ATAD2: variants seen among roughly 807,000 people sequenced by gnomAD.
ATAD2 encodes the protein ATPase family AAA domain containing 2.
In ATAD2, 62 loss-of-function variants were observed where a neutral mutation model predicts 168.9. The observed-to-expected ratio is 0.37, with a 90% CI of 0.30 to 0.45. ATAD2 has a LOEUF of 0.45. Ranked by LOEUF, ATAD2 falls within the 20% of genes least tolerant of loss-of-function variation. The probability of loss-of-function intolerance (pLI) is 1.00; values close to 1 mark genes in which losing one functional copy is unlikely to be tolerated. For synonymous variants in ATAD2, 613 were observed against 571.6 expected, an observed-to-expected ratio of 1.07 and a Z score of -1.03; for missense variants, 1,419 against 1,667.8, an observed-to-expected ratio of 0.85 and a Z score of 2.60.
chr8:123,336,947 G>C (rs764927471), intron 21 of ATAD2, among the ~76,000 whole-genome samples: 8 of 151,514 alleles, frequency 5.3e-5, no homozygotes, highest in Non-Finnish European at 1.2e-4. Flanking sequence ...TTTGAGACTA[G>C]GCTGGGCAAC....
chr8:123,323,251 G>C (rs1827523531), intron 26 of ATAD2, among the ~76,000 whole-genome samples, 185 bp from the exon 27 acceptor site: 1 of 152,104 alleles, frequency 6.6e-6, no homozygotes, highest in Admixed American at 6.6e-5. Flanking sequence ...CTATAATCCT[G>C]GCCTTGACCT....
chr8:123,338,359 A>G (rs1178188565), intron 20 of ATAD2, among the ~76,000 whole-genome samples: 1 of 143,304 alleles, frequency 7.0e-6, no homozygotes, highest in Non-Finnish European at 1.5e-5. Flanking sequence ...CGTCTCAAGG[A>G]AAAAAAAAAA....
At chr8:123,387,486 C>G (rs1829677285) in intron 1 of ATAD2, among the ~76,000 whole-genome samples, 1 of 152,190 alleles carries the variant, frequency 6.6e-6, no homozygotes, top group South Asian at 2.1e-4. Flanking sequence ...CTTTCACTTT[C>G]TATTTTTCAC....
upstream of ATAD2, among the ~76,000 whole-genome samples, chr8:123,398,412 G>C (rs1278450696): frequency 6.6e-6 from 1 of 151,498 alleles, no homozygotes. Context: ...TGTATTTTTA[G>C]TAGAGATGGG....
chr8:123,359,855 T>G (rs192389809), intron 9 of ATAD2, among the ~76,000 whole-genome samples, 170 bp from the exon 10 acceptor site: 1 of 152,302 alleles, frequency 6.6e-6, no homozygotes, highest in East Asian at 1.9e-4. Flanking sequence ...GTCCAGAACT[T>G]AAGTGTTAGA....
intron 2 of ATAD2, among the ~76,000 whole-genome samples, chr8:123,374,355 A>AAAACAAAC (rs151095665): frequency 6.6e-6 from 1 of 152,174 alleles, no homozygotes; most frequent in Non-Finnish European, 1.5e-5. Flanking sequence ...GTCCATCTCA[A>AAAACAAAC]AAACAAACAA....
chr8:123,398,145 A>G (rs1812938458), upstream of ATAD2, among the ~76,000 whole-genome samples: 1 of 151,948 alleles, frequency 6.6e-6, no homozygotes, highest in Admixed American at 6.6e-5. Flanking sequence ...ATGTCTGGGG[A>G]CATATAAAAA....
intron 18 of ATAD2, among the ~76,000 whole-genome samples, chr8:123,345,377 T>C (rs1348163170): frequency 2.0e-5 from 3 of 152,092 alleles, no homozygotes; most frequent in Admixed American, 6.5e-5. Context: ...AAAATGTTAA[T>C]ATAGCCAGGC....
At chr8:123,351,031 C>A (rs1340157147) in intron 13 of ATAD2, among the ~76,000 whole-genome samples, 1 of 151,944 alleles carries the variant, frequency 6.6e-6, no homozygotes, top group African/African-American at 2.4e-5. Flanking sequence ...CCACTGCACC[C>A]GGCCTAGATC....
chr8:123,361,780 T>A (rs1413458543), intron 8 of ATAD2, 134 bp from the exon 9 acceptor site: 3 of 599,480 alleles, frequency 5.0e-6, no homozygotes, highest in Non-Finnish European at 8.5e-6. Context: ...CCCACTGACA[T>A]AAACTTTGTT....
rs200756741 is a variant in ATAD2 at position 123,356,362 on chromosome 8, G to A, written c.1646+27C>T. 2.0e-3 allele frequency: 3,154 copies of A among 1,560,812 alleles called. 6 individuals carry two copies. Among genetic ancestry groups the A allele is most frequent in the Middle Eastern group, 3.5e-3 (21 of 5,922 alleles). On this transcript the variant is annotated intron_variant, in intron 13 of 27. Coordinates refer to ENST00000287394, the MANE Select transcript of ATAD2 (RefSeq NM_014109.4). ...TACCACTCAGGAAATAGGAAGAAAC[G>A]TTGAAGTGCCATCAAGCAAGTTTTA...
At chr8:123,384,905 T>C (rs1404725627) in intron 1 of ATAD2, among the ~76,000 whole-genome samples, 19 of 152,246 alleles carry the variant, frequency 1.2e-4, no homozygotes. Flanking sequence ...ACATTTTATT[T>C]CTTGGCGCTC....
chr8:123,400,647 C>T (rs1273591144), upstream of ATAD2: 13 of 683,792 alleles, frequency 1.9e-5, no homozygotes, highest in South Asian at 1.1e-4. This position sits in a 1 kb window ranked among gnomAD's most constrained non-coding sequence, Gnocchi z 4.5. Context: ...AGCAGCTCTT[C>T]GCCAGAGCCG....
intron 8 of ATAD2, among the ~76,000 whole-genome samples, chr8:123,363,978 A>C (rs1473778631): frequency 6.6e-6 from 1 of 152,200 alleles, no homozygotes; most frequent in Non-Finnish European, 1.5e-5. Flanking sequence ...CCAGTTTTTT[A>C]ATTTCATAAA....
chr8:123,385,213 T>C (rs1024432257), intron 1 of ATAD2, among the ~76,000 whole-genome samples: 3 of 152,172 alleles, frequency 2.0e-5, no homozygotes, highest in South Asian at 2.1e-4. Flanking sequence ...CTGTCTTACA[T>C]ATAGTAGACA....
intron 1 of ATAD2, among the ~76,000 whole-genome samples, chr8:123,382,591 A>C (rs1439816971): frequency 2.0e-5 from 3 of 152,252 alleles, no homozygotes; most frequent in Non-Finnish European, 4.4e-5. Flanking sequence ...GGCACAAGCC[A>C]TCCCATTCAT....
At chr8:123,331,402 C>G (rs1176110209) in intron 24 of ATAD2, among the ~76,000 whole-genome samples, 1 of 151,630 alleles carries the variant, frequency 6.6e-6, no homozygotes, top group Non-Finnish European at 1.5e-5. Context: ...CCATGCCTGG[C>G]TAATTTTTTT....
chr8:123,348,292 T>G lies in ATAD2; in HGVS notation c.1807-19A>C. ...TTCGAGCCTATGAATAAAAACAATT[T>G]AATTTTTTACAACTATAATAATAAA... On this transcript the variant is annotated intron_variant, in intron 14 of 27. Coordinates refer to ENST00000287394, the MANE Select transcript of ATAD2 (RefSeq NM_014109.4). The G allele has an allele frequency of 2.0e-6, 3 of 1,482,276 alleles. No homozygotes were observed. The highest frequency in any genetic ancestry group is 2.8e-6 in the Non-Finnish European group (3 of 1,086,584). The allele number at this position is 1,482,276 out of a possible 1,614,324, so 91.8% of individuals were successfully genotyped here. A position where few individuals can be genotyped will look rare whatever the true frequency, so the allele number is the denominator to read the frequency against.
intron 9 of ATAD2, among the ~76,000 whole-genome samples, chr8:123,361,216 C>T (rs1308863715): frequency 6.6e-6 from 1 of 151,542 alleles, no homozygotes; most frequent in East Asian, 1.9e-4. Context: ...ACTCAGGAGG[C>T]TGAGGCAGGA....
Sources: allele counts gnomAD v4.1 joint callset (sites outside exome capture counted in the v4.1 genomes callset), GRCh38; gene constraint gnomAD v4.1.1; non-coding constraint Gnocchi (gnomAD v3.1); transcripts MANE v1.5; gene names NCBI Gene and HGNC (gene_info 2026-07-23, HGNC 2026-07-21).